The following DLGAP5 variants were observed in gnomAD, a reference collection of about 807,000 sequenced individuals.
DLGAP5 encodes the protein DLG associated protein 5.
Under a neutral mutation model 99.6 loss-of-function variants are expected in DLGAP5, and 90 were observed. That is an observed-to-expected ratio of 0.90 (90% CI 0.76 to 1.08). The LOEUF is 1.08. Among genes scored for constraint, DLGAP5 ranks in the 50% least tolerant of loss-of-function variants. The probability of loss-of-function intolerance (pLI) is 0.00; values close to 1 mark genes in which losing one functional copy is unlikely to be tolerated. For missense variants in DLGAP5, 1,036 were observed against 983.5 expected, an observed-to-expected ratio of 1.05 and a Z score of -0.71; for synonymous variants, 311 against 321.3, an observed-to-expected ratio of 0.97 and a Z score of 0.34.
At chr14:55,173,890 A>T (rs538747199) in intron 10 of DLGAP5, among the ~76,000 whole-genome samples, 2 of 152,102 alleles carry the variant, frequency 1.3e-5, no homozygotes, top group Non-Finnish European at 2.9e-5. Flanking sequence ...GATGTATGTC[A>T]CCTCAGGACC....
chr14:55,152,010 T>A, intron 16 of DLGAP5, 69 bp from the exon 17 acceptor site: 1 of 1,488,650 alleles, frequency 6.7e-7, no homozygotes, highest in Non-Finnish European at 9.1e-7. Context: ...AAAAGTCTTG[T>A]TGCTATTAAA....
intron 15 of DLGAP5, 73 bp from the exon 16 acceptor site, chr14:55,152,720 C>G (rs1882062500): frequency 3.1e-6 from 4 of 1,291,766 alleles, no homozygotes; most frequent in Non-Finnish European, 4.2e-6. Flanking sequence ...TGAGTCTTTC[C>G]TTTAATGATG....
At chr14:55,153,743 C>T (rs922488847) in intron 15 of DLGAP5, among the ~76,000 whole-genome samples, 2 of 151,782 alleles carry the variant, frequency 1.3e-5, no homozygotes, top group African/African-American at 4.8e-5. Flanking sequence ...ATCTTCTTAG[C>T]AAACAATAGT....
intron 7 of DLGAP5, among the ~76,000 whole-genome samples, chr14:55,178,615 T>G (rs1250011726): frequency 2.0e-5 from 3 of 152,250 alleles, no homozygotes; most frequent in African/African-American, 7.2e-5. Flanking sequence ...CCTTAAGGGT[T>G]AATCTTAAGG....
intron 13 of DLGAP5, among the ~76,000 whole-genome samples, chr14:55,161,856 AAG>A (rs1366972841): frequency 2.1e-5 from 3 of 144,640 alleles, no homozygotes; most frequent in Non-Finnish European, 4.6e-5. Flanking sequence ...CCTGGGCAAA[AAG>A]AGCCAAACTC....
Position 55,172,091 on chromosome 14 carries a change from C to G in DLGAP5, c.1302-1304G>C, listed in dbSNP as rs572814626. Among the ~76,000 whole-genome samples, 5 of 152,020 alleles carry G rather than the reference C, an allele frequency of 3.3e-5. No homozygotes were observed. In the South Asian group the frequency reaches 1.0e-3, roughly 32 times the overall value. ...TTGGCCAGGCTACTAGTCCTGAACT[C>G]CTGACCTCAGGTGATCTGCAAGCCT... On this transcript the variant is annotated intron_variant, in intron 10 of 18. Transcript: ENST00000247191.
At position 55,158,575 on chromosome 14, in the gene DLGAP5, A is replaced by G. The variant is rs1287727530; in HGVS notation, c.1820T>C (p.Ile607Thr). 3.7e-6 allele frequency: 6 copies of G among 1,613,996 alleles called. No homozygotes were observed. In the Admixed American group the frequency reaches 6.7e-5, roughly 18 times the overall value. ...VSVIPKEVDK[I>T]VFDAGFFRVE... The stretch of plus-strand genomic sequence containing the variant: ...TCTGAAAAATCCAGCATCGAACACT[A>G]TTTTATCAACTTCCTTTGGTATCAC... The change falls in exon 14 of 19, where the codon ATA becomes ACA. Residue 607 changes from isoleucine (I) to threonine (T), a missense_variant. Physicochemically the swap from Ile to Thr is moderately conservative, Grantham distance 89. Transcript: ENST00000247191.
chr14:55,188,741 C>T (rs1451517402), intron 2 of DLGAP5, among the ~76,000 whole-genome samples: 3 of 149,494 alleles, frequency 2.0e-5, no homozygotes, highest in African/African-American at 4.9e-5. Context: ...ACTGCACTCC[C>T]GCCTGGGTGA....
chr14:55,165,839 A>G (rs1278247744), intron 12 of DLGAP5, among the ~76,000 whole-genome samples: 1 of 152,220 alleles, frequency 6.6e-6, no homozygotes, highest in Non-Finnish European at 1.5e-5. Context: ...ACTATACCTC[A>G]GGTAACTAAA....
intron 14 of DLGAP5, among the ~76,000 whole-genome samples, chr14:55,156,366 G>C (rs1033772802): frequency 6.6e-6 from 1 of 152,114 alleles, no homozygotes; most frequent in Non-Finnish European, 1.5e-5. Flanking sequence ...GTACTACATG[G>C]AAAATAAGGG....
chr14:55,171,532 C>T (rs940977482), intron 10 of DLGAP5, among the ~76,000 whole-genome samples: 3 of 152,156 alleles, frequency 2.0e-5, no homozygotes, highest in African/African-American at 2.4e-5. Flanking sequence ...GAATGTAAAA[C>T]GGCAAAGCCA....
At chr14:55,153,209 G>A (rs944777507) in intron 15 of DLGAP5, among the ~76,000 whole-genome samples, 2 of 152,090 alleles carry the variant, frequency 1.3e-5, no homozygotes, top group Non-Finnish European at 2.9e-5. Context: ...AGAATACAAG[G>A]TATTCTAATC....
At chr14:55,165,811 T>C (rs887951085) in intron 12 of DLGAP5, among the ~76,000 whole-genome samples, 18 of 152,330 alleles carry the variant, frequency 1.2e-4, no homozygotes, top group African/African-American at 4.3e-4. Flanking sequence ...CTCTCCTCCC[T>C]GCCAAATATC....
intron 13 of DLGAP5, among the ~76,000 whole-genome samples, chr14:55,159,401 T>A (rs1882333494): frequency 6.6e-6 from 1 of 152,154 alleles, no homozygotes; most frequent in African/African-American, 2.4e-5. Context: ...AAGCTGGTGT[T>A]TTAGAAAGAT....
intron 14 of DLGAP5, among the ~76,000 whole-genome samples, chr14:55,156,044 T>A (rs1882207016): frequency 6.6e-6 from 1 of 151,332 alleles, no homozygotes; most frequent in African/African-American, 2.4e-5. Flanking sequence ...TGTGCTGAGA[T>A]CGTGCCACTG....
chr14:55,183,856 TA>T (rs1226436961), intron 2 of DLGAP5, 103 bp from the exon 3 acceptor site: 16 of 1,238,252 alleles, frequency 1.3e-5, no homozygotes, highest in South Asian at 1.8e-5. Context: ...CAACTGCTGC[TA>T]AAAAATGCTT....
chr14:55,162,935 A>G (rs751629955), intron 13 of DLGAP5, 36 bp downstream of exon 13: 1 of 1,296,106 alleles, frequency 7.7e-7, no homozygotes, highest in Non-Finnish European at 1.1e-6. Context: ...CCTTAACTAA[A>G]AAAAAAAAAA....
At chr14:55,178,197 A>G (rs1291729457) in intron 7 of DLGAP5, among the ~76,000 whole-genome samples, 2 of 152,022 alleles carry the variant, frequency 1.3e-5, no homozygotes, top group African/African-American at 4.8e-5. Flanking sequence ...GCTTGCAGTG[A>G]GCCGAGATCG....
Position 55,163,070 on chromosome 14 carries a change from TTCTA to T in DLGAP5, c.1550_1553del (p.Ile517LysfsTer3). 1.9e-6 allele frequency: 3 copies of T among 1,585,066 alleles called. No homozygotes were observed. The highest frequency in any genetic ancestry group is 1.2e-5 in the South Asian group (1 of 85,878). On this transcript the variant is annotated frameshift_variant and splice_region_variant, in exon 13 of 19. Coordinates refer to ENST00000247191, the MANE Select transcript of DLGAP5 (RefSeq NM_014750.5). LOFTEE classifies it high-confidence loss of function. Reference sequence around the variant, plus strand: ...GATTGTTGAATTTGTGGATTACATCTTCTATCTGTTAATAAAGCACAAGTTTACC... The same window carrying T: ...GATTGTTGAATTTGTGGATTACATCTTCTGTTAATAAAGCACAAGTTTACC...
Sources: gnomAD v4.1 joint callset for allele counts (sites outside exome capture counted in the v4.1 genomes callset) on GRCh38, gnomAD v4.1.1 for gene constraint, MANE v1.5 for transcripts, NCBI Gene and HGNC (gene_info 2026-07-23, HGNC 2026-07-21) for gene names.